RARB: variants seen among roughly 807,000 people sequenced by gnomAD.
The protein encoded by RARB is retinoic acid receptor beta, also known as HBV-activated protein.
Under a neutral mutation model 51.9 loss-of-function variants are expected in RARB, and 17 were observed. That is an observed-to-expected ratio of 0.33 (90% confidence interval 0.22 to 0.49). The LOEUF is 0.49. Among genes scored for constraint, RARB ranks in the 20% least tolerant of loss-of-function variants. The pLI is 0.99. For missense variants in RARB, 369 were observed against 550.8 expected (o/e 0.67, Z 3.30); for synonymous variants, 215 against 195.4 (o/e 1.10, Z -0.84).
intron 2 of RARB, among the ~76,000 whole-genome samples, chr3:24,868,036 G>A (rs1328488737): frequency 6.6e-6 from 1 of 152,084 alleles, no homozygotes; most frequent in Non-Finnish European, 1.5e-5. Flanking sequence ...CCATATCTCT[G>A]GACGGCTTGC....
At chr3:25,399,153 C>A (rs770007769) in intron 5 of RARB, among the ~76,000 whole-genome samples, 1 of 152,118 alleles carries the variant, frequency 6.6e-6, no homozygotes, top group African/African-American at 2.4e-5. Flanking sequence ...ATTCTAGCTC[C>A]GTGTATCACT....
intron 2 of RARB, among the ~76,000 whole-genome samples, chr3:25,463,426 A>C (rs1476662134): frequency 6.6e-6 from 1 of 152,072 alleles, no homozygotes; most frequent in Admixed American, 6.5e-5. Context: ...GCACTTTGGG[A>C]GGTCAAGGCA....
At chr3:25,356,331 A>C (rs1308159940) in intron 5 of RARB, among the ~76,000 whole-genome samples, 1 of 152,168 alleles carries the variant, frequency 6.6e-6, no homozygotes, top group Non-Finnish European at 1.5e-5. Flanking sequence ...AAAAAGGTTT[A>C]AACGTTGCCT....
intron 5 of RARB, among the ~76,000 whole-genome samples, chr3:25,344,751 C>G (rs1031784018): frequency 3.3e-5 from 5 of 152,136 alleles, no homozygotes; most frequent in Non-Finnish European, 4.4e-5. Flanking sequence ...TTTGGTGTGT[C>G]TTTTGAAGCT....
At chr3:25,501,104 C>A (rs1215083135) in intron 2 of RARB, 78 bp from the exon 3 acceptor site, 17 of 1,464,756 alleles carry the variant, frequency 1.2e-5, no homozygotes, top group Non-Finnish European at 1.5e-5. Flanking sequence ...GCAATTAATG[C>A]ATTGATAAGG....
chr3:25,590,300 A>C (rs1251770893), intron 5 of RARB, among the ~76,000 whole-genome samples: 1 of 152,214 alleles, frequency 6.6e-6, no homozygotes, highest in Non-Finnish European at 1.5e-5. Context: ...ATGGATTTCT[A>C]AGTGAGTTAT....
intron 5 of RARB, among the ~76,000 whole-genome samples, chr3:25,283,772 G>T (rs1476228020): frequency 6.6e-6 from 1 of 152,162 alleles, no homozygotes; most frequent in Non-Finnish European, 1.5e-5. Context: ...TTTGTGAATG[G>T]CATTCAGTTA....
At chr3:25,376,055 G>A (rs1437422781) in intron 5 of RARB, among the ~76,000 whole-genome samples, 2 of 152,182 alleles carry the variant, frequency 1.3e-5, no homozygotes, top group Non-Finnish European at 2.9e-5. Context: ...CTGGCCCATA[G>A]GGAGTACTCT....
At chr3:25,196,121 A>G (rs1254583941) in intron 5 of RARB, among the ~76,000 whole-genome samples, 1 of 151,950 alleles carries the variant, frequency 6.6e-6, no homozygotes, top group African/African-American at 2.4e-5. Flanking sequence ...TGCACAAAGT[A>G]CAGGTTTATT....
At chr3:25,195,331 T>G (rs1701206030) in intron 5 of RARB, among the ~76,000 whole-genome samples, 1 of 152,048 alleles carries the variant, frequency 6.6e-6, no homozygotes, top group Non-Finnish European at 1.5e-5. Flanking sequence ...GACAACAGTT[T>G]GCAGAAAGTT....
intron 5 of RARB, among the ~76,000 whole-genome samples, chr3:25,331,383 G>T (rs1016640688): frequency 1.3e-5 from 2 of 152,258 alleles, no homozygotes; most frequent in Non-Finnish European, 2.9e-5. Context: ...ACTCAGAACA[G>T]CTCAACTACA....
intron 3 of RARB, among the ~76,000 whole-genome samples, chr3:25,126,991 C>G (rs1699869992): frequency 6.6e-6 from 1 of 152,104 alleles, no homozygotes. Flanking sequence ...CAAGTTCTAT[C>G]AAAATCCACC....
At chr3:24,973,447 T>G (rs1286470145) in intron 2 of RARB, among the ~76,000 whole-genome samples, 2 of 152,068 alleles carry the variant, frequency 1.3e-5, no homozygotes, top group Admixed American at 1.3e-4. Context: ...TTTGACTATT[T>G]GAGGTCTTTT....
intron 3 of RARB, among the ~76,000 whole-genome samples, chr3:25,109,750 A>G (rs1001287009): frequency 3.3e-5 from 5 of 152,112 alleles, no homozygotes; most frequent in African/African-American, 1.2e-4. Flanking sequence ...TACGTCAGCC[A>G]TGCTTCTTCA....
intron 5 of RARB, among the ~76,000 whole-genome samples, chr3:25,586,818 C>G (rs928049595): frequency 6.6e-6 from 1 of 152,162 alleles, no homozygotes; most frequent in Admixed American, 6.5e-5. Flanking sequence ...TGGTGGGGAG[C>G]GAGCTCTGGG....
At chr3:25,401,646 G>A (rs2125494712) in intron 5 of RARB, among the ~76,000 whole-genome samples, 1 of 152,340 alleles carries the variant, frequency 6.6e-6, no homozygotes, top group Non-Finnish European at 1.5e-5. Context: ...AGGCTTAGTA[G>A]CAGATTGGAC....
At chr3:24,989,229 G>A (rs367770091) in intron 2 of RARB, among the ~76,000 whole-genome samples, 22 of 152,142 alleles carry the variant, frequency 1.4e-4, no homozygotes, top group East Asian at 1.2e-3. Flanking sequence ...CAATCTATGT[G>A]GCAGGAATGC....
intron 5 of RARB, among the ~76,000 whole-genome samples, chr3:25,270,711 C>T (rs779075451): frequency 6.7e-4 from 102 of 152,292 alleles, no homozygotes; most frequent in Admixed American, 1.4e-3. Context: ...GATGTTCTCA[C>T]GGTATCCCTT....
chr3:24,962,716 G>C (rs943508632), intron 2 of RARB, among the ~76,000 whole-genome samples: 6 of 152,202 alleles, frequency 3.9e-5, no homozygotes, highest in African/African-American at 1.4e-4. Flanking sequence ...AATGCCTGAT[G>C]ATCTGAGGTG....
Sources: gnomAD v4.1 joint callset for allele counts (sites outside exome capture counted in the v4.1 genomes callset) on GRCh38, gnomAD v4.1.1 for gene constraint, MANE v1.5 for transcripts, NCBI Gene and HGNC (gene_info 2026-07-23, HGNC 2026-07-21) for gene names.